Variants in TEAD1 observed in about 807,000 individuals in gnomAD.
TEAD1 encodes the protein transcriptional enhancer factor TEF-1.
A neutral mutation model predicts 54.9 loss-of-function variants in TEAD1; 9 were observed. The ratio of observed to expected loss-of-function variants is 0.16; its 90% CI spans 0.10 to 0.29. TEAD1 has a LOEUF of 0.29. TEAD1 is among the 10% of genes least tolerant of loss of function. The probability of loss-of-function intolerance (pLI) is 1.00; values close to 1 mark genes in which losing one functional copy is unlikely to be tolerated. For synonymous variants in TEAD1, 200 were observed against 187.8 expected (o/e 1.07, Z -0.53); for missense variants, 387 against 535.9 (o/e 0.72, Z 2.74).
chr11:12,862,211 T>C, intron 3 of TEAD1, 39 bp from the exon 4 acceptor site: 4 of 1,574,226 alleles, frequency 2.5e-6, no homozygotes, highest in Non-Finnish European at 3.5e-6. Flanking sequence ...GTTTGGTGTT[T>C]TGGTAACCCA....
At chr11:12,918,335 C>G (rs1485478129) in intron 10 of TEAD1, among the ~76,000 whole-genome samples, 1 of 149,692 alleles carries the variant, frequency 6.7e-6, no homozygotes, top group East Asian at 1.9e-4. Context: ...TTATATATAT[C>G]TTGATAATTA....
At position 12,794,227 on chromosome 11, in the gene TEAD1, A is replaced by G. The variant is rs140996077; in HGVS notation, c.202+29793A>G. 7.8e-3 allele frequency among the ~76,000 whole-genome samples: 1,195 copies of G among 152,244 alleles called. 19 individuals carry two copies. Among genetic ancestry groups the G allele is most frequent in the African/African-American group, 0.027 (1,137 of 41,542 alleles). ...TTATGCGGTCCATTTGGCATGTCCT[A>G]AGCACCCAGTACATGTTCATTAATT... On this transcript the variant is annotated intron_variant, in intron 3 of 12. Transcript: ENST00000527636.
At chr11:12,754,263 C>G (rs1944939334) in intron 2 of TEAD1, among the ~76,000 whole-genome samples, 1 of 152,196 alleles carries the variant, frequency 6.6e-6, no homozygotes, top group South Asian at 2.1e-4. Context: ...TCACTTTTAT[C>G]CAGCATCCCA....
At chr11:12,909,732 T>C (rs566380648) in intron 10 of TEAD1, among the ~76,000 whole-genome samples, 2 of 152,208 alleles carry the variant, frequency 1.3e-5, no homozygotes, top group African/African-American at 4.8e-5. Flanking sequence ...CTGGCCAGCA[T>C]AGAAGACATC....
At chr11:12,722,786 T>C (rs1247094293) in intron 2 of TEAD1, among the ~76,000 whole-genome samples, 1 of 152,208 alleles carries the variant, frequency 6.6e-6, no homozygotes, top group Non-Finnish European at 1.5e-5. Context: ...CTTGTCTGTA[T>C]GCAGGCATGT....
chr11:12,763,189 C>A (rs1945135322), intron 2 of TEAD1, among the ~76,000 whole-genome samples: 1 of 152,108 alleles, frequency 6.6e-6, no homozygotes, highest in Admixed American at 6.5e-5. Context: ...CCTTTTATGA[C>A]CATAGGTTAT....
In TEAD1 at chr11:12,817,816, C is replaced by T. The variant is rs557060302; in HGVS notation, c.203-44434C>T. Among the ~76,000 whole-genome samples the T allele has an allele frequency of 2.6e-5, 4 of 152,264 alleles. No individual in the cohort carries two copies. The East Asian group carries it at 5.8e-4, about 22-fold the overall frequency. On this transcript the variant is annotated intron_variant, in intron 3 of 12. Coordinates refer to ENST00000527636, the MANE Select transcript of TEAD1 (RefSeq NM_021961.6). ...TCAGGGTTGACTTGAAAGTTTGAAGCGCAACAGGGCCATTGAAACACAGTC... is the reference window on the plus strand; with the variant it reads ...TCAGGGTTGACTTGAAAGTTTGAAGTGCAACAGGGCCATTGAAACACAGTC...
chr11:12,817,512 C>T (rs748052648), intron 3 of TEAD1, among the ~76,000 whole-genome samples: 24 of 152,064 alleles, frequency 1.6e-4, no homozygotes, highest in Non-Finnish European at 2.6e-4. Flanking sequence ...TTAATGTATT[C>T]GGTGCCTGTG....
At chr11:12,723,598 T>C (rs536224731) in intron 2 of TEAD1, among the ~76,000 whole-genome samples, 1 of 152,322 alleles carries the variant, frequency 6.6e-6, no homozygotes, top group African/African-American at 2.4e-5. Flanking sequence ...GATTCTCCTT[T>C]GTTCTTTCCC....
intron 2 of TEAD1, among the ~76,000 whole-genome samples, chr11:12,702,248 A>T (rs995808419): frequency 6.6e-6 from 1 of 152,154 alleles, no homozygotes. Flanking sequence ...CTAGGCTGGT[A>T]TCAGGCCACA....
intron 10 of TEAD1, among the ~76,000 whole-genome samples, chr11:12,924,056 T>C (rs1398839041): frequency 8.5e-5 from 13 of 152,144 alleles, no homozygotes; most frequent in Admixed American, 8.5e-4. Context: ...CAAAATACAA[T>C]CTAAACTGTC....
intron 2 of TEAD1, among the ~76,000 whole-genome samples, chr11:12,723,524 C>T (rs992250374): frequency 3.3e-5 from 5 of 152,128 alleles, no homozygotes; most frequent in African/African-American, 1.2e-4. Flanking sequence ...TTTTAACTTC[C>T]TTATAGGTCA....
At chr11:12,809,105 T>C (rs1291131516) in intron 3 of TEAD1, among the ~76,000 whole-genome samples, 1 of 152,080 alleles carries the variant, frequency 6.6e-6, no homozygotes, top group Non-Finnish European at 1.5e-5. Context: ...TCCTAATGAG[T>C]GTGGTCATTA....
chr11:12,713,981 G>A lies in TEAD1; in HGVS notation c.-55+38420G>A, dbSNP rs1379125993. On this transcript the variant is annotated intron_variant, in intron 2 of 12. Coordinates refer to ENST00000527636, the MANE Select transcript of TEAD1 (RefSeq NM_021961.6). ...CTCACTTTGATGAATGGCCTAACTT[G>A]CACATTCCTAGATGAAATAGGGCCT... Among the ~76,000 whole-genome samples, 3 of 152,300 alleles carry A rather than the reference G, an allele frequency of 2.0e-5. No individual in the cohort carries two copies. In the East Asian group the frequency reaches 5.8e-4, roughly 29 times the overall value.
intron 3 of TEAD1, among the ~76,000 whole-genome samples, chr11:12,770,178 T>C (rs1945286704): frequency 6.6e-6 from 1 of 152,182 alleles, no homozygotes; most frequent in African/African-American, 2.4e-5. Context: ...AATAGTTTGG[T>C]TCCTGTGAGA....
At chr11:12,888,629 T>C (rs980712165) in intron 9 of TEAD1, among the ~76,000 whole-genome samples, 3 of 152,222 alleles carry the variant, frequency 2.0e-5, no homozygotes, top group East Asian at 1.9e-4. Flanking sequence ...ACTCGTTGGC[T>C]CACCACATAT....
chr11:12,724,192 C>T (rs1218705778), intron 2 of TEAD1, among the ~76,000 whole-genome samples: 1 of 152,224 alleles, frequency 6.6e-6, no homozygotes, highest in South Asian at 2.1e-4. Context: ...AAGACACACA[C>T]TCTCTTGGGT....
intron 2 of TEAD1, among the ~76,000 whole-genome samples, chr11:12,730,758 T>G (rs1944409900): frequency 7.3e-6 from 1 of 136,176 alleles, no homozygotes; most frequent in Non-Finnish European, 1.5e-5. Context: ...TGGAGTGCAC[T>G]AGTGCAATCA....
chr11:12,936,669 T>G (rs1223125188), intron 12 of TEAD1, among the ~76,000 whole-genome samples: 5 of 152,218 alleles, frequency 3.3e-5, no homozygotes, highest in Admixed American at 2.6e-4. Context: ...CATAAATATA[T>G]GTACTGCAAG....
Sources: gnomAD v4.1 joint callset for allele counts (sites outside exome capture counted in the v4.1 genomes callset) on GRCh38, gnomAD v4.1.1 for gene constraint, MANE v1.5 for transcripts, NCBI Gene and HGNC (gene_info 2026-07-23, HGNC 2026-07-21) for gene names.